ZNF668: variants seen among roughly 807,000 people sequenced by gnomAD.
ZNF668 encodes zinc finger protein 668.
In ZNF668, 10 loss-of-function variants were observed where a neutral mutation model predicts 40.3. That is an observed-to-expected ratio of 0.25 (90% confidence interval 0.15 to 0.42). The LOEUF (loss-of-function observed/expected upper bound fraction) is 0.42. Ranked by LOEUF, ZNF668 falls within the 10% of genes least tolerant of loss-of-function variation. The pLI is 1.00. For synonymous variants in ZNF668, 428 were observed against 384.6 expected (o/e 1.11, Z -1.32); for missense variants, 749 against 904.6 (o/e 0.83, Z 2.21).
At chr16:31,068,317 C>T (rs1238407154) in intron 1 of ZNF668, among the ~76,000 whole-genome samples, 12 of 142,912 alleles carry the variant, frequency 8.4e-5, no homozygotes, top group African/African-American at 1.6e-4. Flanking sequence ...TGCAGTGGCG[C>T]GATCTTGGTT....
At chr16:31,066,779 G>T (rs977276937) in intron 1 of ZNF668, among the ~76,000 whole-genome samples, 5 of 152,150 alleles carry the variant, frequency 3.3e-5, no homozygotes, top group African/African-American at 1.2e-4. Context: ...CCTTTCTGAT[G>T]ACTTGAATTC....
intron 2 of ZNF668, among the ~76,000 whole-genome samples, chr16:31,063,036 G>A (rs1368163614): frequency 6.6e-6 from 1 of 151,918 alleles, no homozygotes; most frequent in East Asian, 2.0e-4. Context: ...GGAGGTTGCG[G>A]TGAGCCGAGA....
At chr16:31,069,656 T>C (rs539413355) in intron 1 of ZNF668, among the ~76,000 whole-genome samples, 1 of 152,216 alleles carries the variant, frequency 6.6e-6, no homozygotes, top group East Asian at 1.9e-4. Flanking sequence ...CTCTATCTAC[T>C]CTTTATTATT....
chr16:31,068,239 A>AAAAAATATATATAT (rs1473353128), intron 1 of ZNF668, among the ~76,000 whole-genome samples: 2 of 83,008 alleles, frequency 2.4e-5, no homozygotes, highest in African/African-American at 5.0e-5. Flanking sequence ...AAAAAAAAAA[A>AAAAAATATATATAT]ATATATATAT....
In ZNF668 at chr16:31,061,985, T is replaced by C; in HGVS notation, c.943A>G (p.Lys315Glu). The change falls in exon 3 of 3, where the codon AAG becomes GAG. Residue 315 changes from lysine to glutamate, a missense_variant. This residue lies in a region of ZNF668 where 129 missense variants were observed against 231.2 expected (regional missense o/e 0.56). Coordinates refer to ENST00000300849, the MANE Select transcript of ZNF668 (RefSeq NM_024706.5). This position sits in a 1 kb window ranked among gnomAD's most constrained non-coding sequence, Gnocchi z 7.7. ...AGGTCCGCCGGCTGCCGGAAGTCCTTGCCGCACTTCTCGCAGTGGTATGGC... is the reference window on the plus strand; with the variant it reads ...AGGTCCGCCGGCTGCCGGAAGTCCTCGCCGCACTTCTCGCAGTGGTATGGC... ...VKPYHCEKCG[K>E]DFRQPADLAM... 6.2e-7 allele frequency: 1 copy of C among 1,613,750 alleles called. No individual in the cohort carries two copies.
At chr16:31,064,732 C>A (rs769665190) in intron 1 of ZNF668, 143 of 1,526,194 alleles carry the variant, frequency 9.4e-5, no homozygotes, top group Non-Finnish European at 1.2e-4. Context: ...TACACGTCCC[C>A]CCCCGCCCCC....
At position 31,061,801 on chromosome 16, in the gene ZNF668, C is replaced by T. The variant is rs755567783; in HGVS notation, c.1127G>A (p.Arg376His). ...CCGGCTATGCTTCGTGAGGCTGGCACGCTCGGCGAAGGCTCGCCCGCACTC... is the reference window on the plus strand; with the variant it reads ...CCGGCTATGCTTCGTGAGGCTGGCATGCTCGGCGAAGGCTCGCCCGCACTC... ...CEECGRAFAE[R>H]ASLTKHSRVH... The change falls in exon 3 of 3, where the codon CGT becomes CAT. Residue 376 changes from arginine to histidine, a missense_variant. By Grantham distance (29) the Arg-to-His change is conservative. Around this residue, in one of 4 missense-constraint regions of ZNF668, gnomAD observed 310 missense variants for 355.1 expected, o/e 0.87. Transcript: ENST00000300849. This position sits in a 1 kb window ranked among gnomAD's most constrained non-coding sequence, Gnocchi z 7.7. 2 of 1,612,016 alleles carry T rather than the reference C, an allele frequency of 1.2e-6. No homozygotes were observed. Among genetic ancestry groups the T allele is most frequent in the African/African-American group, 1.3e-5 (1 of 74,762 alleles).
chr16:31,065,233 G>T, intron 1 of ZNF668: 1 of 749,944 alleles, frequency 1.3e-6, no homozygotes, highest in Non-Finnish European at 1.6e-6. Flanking sequence ...ATGGCCTCCT[G>T]GGATACCAGC....
In ZNF668 at chr16:31,064,279, C is replaced by T; in HGVS notation, c.181G>A (p.Glu61Lys). 1 of 1,613,836 alleles carries T rather than the reference C, an allele frequency of 6.2e-7. No homozygotes were observed. The highest frequency in any genetic ancestry group is 8.5e-7 in the Non-Finnish European group (1 of 1,180,038). Residue 61 changes from glutamate (E) to lysine (K), a missense_variant, in exon 2 of 3, where the codon GAG becomes AAG. Physicochemically the swap from Glu to Lys is moderately conservative, Grantham distance 56 (BLOSUM62 1). Transcript: ENST00000300849. ...EEVAEVKPKP[E>K]TEAKAEEASG... ...GCTTCCTCTGCCTTAGCTTCTGTCT[C>T]TGGCTTTGGCTTCACCTCGGCCACC...
At chr16:31,063,786 GC>G in intron 2 of ZNF668, 26 bp downstream of exon 2, 4 of 1,518,336 alleles carry the variant, frequency 2.6e-6, no homozygotes, top group Non-Finnish European at 3.5e-6. Context: ...GCCCCGGAAG[GC>G]GCCCTGCCCC....
At chr16:31,071,897 G>A (rs2057017805) in intron 1 of ZNF668, among the ~76,000 whole-genome samples, 1 of 152,172 alleles carries the variant, frequency 6.6e-6, no homozygotes, top group Admixed American at 6.6e-5. Flanking sequence ...AGTTCATTAT[G>A]AGTGAATGTT....
chr16:31,064,549 C>T (rs1439665948), intron 1 of ZNF668, 68 bp from the exon 2 acceptor site: 3 of 1,592,904 alleles, frequency 1.9e-6, no homozygotes, highest in Non-Finnish European at 2.5e-6. Flanking sequence ...CAGAGAGAAC[C>T]CTATCTCATC....
chr16:31,067,406 G>T (rs1485289089), intron 1 of ZNF668, among the ~76,000 whole-genome samples: 1 of 152,142 alleles, frequency 6.6e-6, no homozygotes, highest in East Asian at 1.9e-4. Flanking sequence ...AAATGGTTCA[G>T]TATTTTGTTA....
chr16:31,062,244 C>T lies in ZNF668; in HGVS notation c.684G>A (p.Glu228=), dbSNP rs1437228678. 1 of 1,610,002 alleles carries T rather than the reference C, an allele frequency of 6.2e-7. No homozygotes were observed. Among genetic ancestry groups the T allele is most frequent in the East Asian group, 2.2e-5 (1 of 44,718 alleles). Residue 228 remains glutamate (E), a synonymous_variant, in exon 3 of 3, where the codon GAG becomes GAA. Transcript: ENST00000300849. ...ATGAGCGGGAGAAGCTCTTCCCGCA[C>T]TCGGAGCAGAGGAAGGGGCGCTCGC... ...HTGERPFLCS[E]CGKSFSRSSS...
intron 1 of ZNF668, chr16:31,064,969 G>A (rs2143767709): frequency 7.9e-7 from 1 of 1,261,480 alleles, no homozygotes; most frequent in Non-Finnish European, 1.0e-6. Flanking sequence ...GGAAGTGACA[G>A]GTCCCCAGCA....
At chr16:31,063,309 T>C (rs2056950383) in intron 2 of ZNF668, among the ~76,000 whole-genome samples, 1 of 152,054 alleles carries the variant, frequency 6.6e-6, no homozygotes. Context: ...ATTTTTTTAT[T>C]TTTATAGAGA....
chr16:31,063,068 T>G (rs895468634), intron 2 of ZNF668, among the ~76,000 whole-genome samples: 2 of 149,846 alleles, frequency 1.3e-5, no homozygotes, highest in African/African-American at 4.9e-5. Context: ...CACTCTAGCC[T>G]GGGCAACAAG....
chr16:31,068,220 T>TAA (rs767511878), intron 1 of ZNF668, among the ~76,000 whole-genome samples: 146 of 9,366 alleles, frequency 0.016, 6 homozygotes, highest in Non-Finnish European at 0.023. Flanking sequence ...ATCCCACCAT[T>TAA]AAAAAAAAAA....
rs983105495 is a variant in ZNF668, at chr16:31,065,861, A to T, written c.-22-1380T>A. ...AGAGCAAGACTCCGTCTCAAAAAAA[A>T]AAAAATAAAAAGACTATTTCCTCAT... On this transcript the variant is annotated intron_variant, in intron 1 of 2. Coordinates refer to ENST00000300849, the MANE Select transcript of ZNF668 (RefSeq NM_024706.5). Among the ~76,000 whole-genome samples the T allele has an allele frequency of 1.1e-4, 17 of 151,896 alleles. 1 individual carries two copies. Among genetic ancestry groups the T allele is most frequent in the East Asian group, 1.9e-4 (1 of 5,194 alleles).
Sources: allele counts gnomAD v4.1 joint callset (sites outside exome capture counted in the v4.1 genomes callset), GRCh38; gene constraint gnomAD v4.1.1; regional missense constraint gnomAD v4.1.1; non-coding constraint Gnocchi (gnomAD v3.1); transcripts MANE v1.5; gene names NCBI Gene and HGNC (gene_info 2026-07-23, HGNC 2026-07-21).